PLD5: variants seen among roughly 807,000 people sequenced by gnomAD.
PLD5 encodes the protein phospholipase D family member 5.
A neutral mutation model predicts 61.1 loss-of-function variants in PLD5; 36 were observed. The observed-to-expected ratio is 0.59, with a 90% CI of 0.45 to 0.78. PLD5 has a LOEUF of 0.78. Ranked by LOEUF, PLD5 falls within the 30% of genes least tolerant of loss-of-function variation. PLD5 has a pLI of 0.00. For missense variants in PLD5, 515 were observed against 644.4 expected, an observed-to-expected ratio of 0.80 and a Z score of 2.17; for synonymous variants, 243 against 242.8, an observed-to-expected ratio of 1.00 and a Z score of -0.01.
intron 4 of PLD5, among the ~76,000 whole-genome samples, chr1:242,247,228 C>T (rs1258955827): frequency 2.6e-5 from 4 of 152,238 alleles, no homozygotes; most frequent in South Asian, 4.1e-4. Flanking sequence ...GTGATCCGCC[C>T]GCCTCGGCCT....
At chr1:242,151,138 T>C (rs1376033359) in intron 5 of PLD5, among the ~76,000 whole-genome samples, 1 of 152,006 alleles carries the variant, frequency 6.6e-6, no homozygotes, top group Non-Finnish European at 1.5e-5. Flanking sequence ...TTTACTTTTA[T>C]GTATTCTAAA....
intron 1 of PLD5, among the ~76,000 whole-genome samples, chr1:242,471,136 G>T (rs985041944): frequency 6.6e-6 from 1 of 152,264 alleles, no homozygotes; most frequent in East Asian, 1.9e-4. Context: ...TCCTTCCCAG[G>T]GGGGCTATGT....
At chr1:242,359,740 T>A (rs1434774853) in intron 1 of PLD5, among the ~76,000 whole-genome samples, 1 of 151,876 alleles carries the variant, frequency 6.6e-6, no homozygotes, top group Non-Finnish European at 1.5e-5. Context: ...AATAACTCTT[T>A]CATAGGGTTA....
intron 1 of PLD5, among the ~76,000 whole-genome samples, chr1:242,501,277 A>G (rs539453970): frequency 6.6e-6 from 1 of 152,342 alleles, no homozygotes; most frequent in African/African-American, 2.4e-5. Context: ...ATTCTCTCTC[A>G]TCACCAGTGC....
At chr1:242,116,528 A>G (rs1475842990) in intron 6 of PLD5, among the ~76,000 whole-genome samples, 1 of 152,186 alleles carries the variant, frequency 6.6e-6, no homozygotes, top group Non-Finnish European at 1.5e-5. Flanking sequence ...AGGTAGTGAG[A>G]ATAGTACTCA....
In PLD5 at chr1:242,084,763, T is replaced by A. The variant is rs1271867519; in HGVS notation, c.*5091A>T. 2 of 146,676 alleles carry A rather than the reference T, an allele frequency of 1.4e-5. No individual in the cohort carries two copies. Among genetic ancestry groups the A allele is most frequent in the African/African-American group, 2.5e-5 (1 of 39,542 alleles). 9.1% of individuals were successfully genotyped at this position (146,676 alleles called of 1,614,324 possible). On this transcript the variant is annotated 3_prime_UTR_variant, in exon 10 of 10. Transcript: ENST00000536534. The stretch of plus-strand genomic sequence containing the variant: ...TTTATTGGAAAGGTTTTTTTTTTTT[T>A]TTTTTTTTTTTTTTTAGAGAAAGAG...
chr1:242,195,256 C>T (rs947413430), intron 5 of PLD5, among the ~76,000 whole-genome samples: 6 of 152,140 alleles, frequency 3.9e-5, no homozygotes, highest in Non-Finnish European at 5.9e-5. Context: ...TGGAGAGTTC[C>T]GCATCTGGAG....
chr1:242,367,456 G>A (rs2149243202), intron 1 of PLD5, among the ~76,000 whole-genome samples: 1 of 152,234 alleles, frequency 6.6e-6, no homozygotes, highest in South Asian at 2.1e-4. Flanking sequence ...CCTCTCTGTT[G>A]AGCAGCACAA....
chr1:242,381,392 G>A (rs116637911), intron 1 of PLD5, among the ~76,000 whole-genome samples: 1,826 of 152,194 alleles, frequency 0.012, 36 homozygotes, highest in African/African-American at 0.042. Flanking sequence ...GGGCCTATAG[G>A]TGGTTGGGGG....
intron 1 of PLD5, among the ~76,000 whole-genome samples, chr1:242,497,804 T>C (rs1045761912): frequency 6.6e-6 from 1 of 152,264 alleles, no homozygotes; most frequent in African/African-American, 2.4e-5. Context: ...TCACATATTA[T>C]GAGTCAGGCA....
intron 1 of PLD5, among the ~76,000 whole-genome samples, chr1:242,488,492 C>A (rs1255001299): frequency 6.6e-6 from 1 of 152,080 alleles, no homozygotes; most frequent in African/African-American, 2.4e-5. Context: ...AAAAGGGTAG[C>A]CTTTTAAATA....
intron 3 of PLD5, among the ~76,000 whole-genome samples, chr1:242,279,231 G>T (rs1043719198): frequency 2.6e-5 from 4 of 152,206 alleles, no homozygotes; most frequent in Admixed American, 2.6e-4. Context: ...TGACAAACTG[G>T]GGTAGGGACC....
intron 2 of PLD5, among the ~76,000 whole-genome samples, chr1:242,319,393 A>G (rs1314698875): frequency 6.6e-6 from 1 of 150,920 alleles, no homozygotes; most frequent in Admixed American, 6.6e-5. Context: ...ATACACATCC[A>G]TAAGTGTATA....
At chr1:242,194,503 A>AATCG (rs1668475731) in intron 5 of PLD5, among the ~76,000 whole-genome samples, 1 of 152,152 alleles carries the variant, frequency 6.6e-6, no homozygotes, top group South Asian at 2.1e-4. Flanking sequence ...ACAATTGCAA[A>AATCG]ATCGTGGAAC....
At position 242,405,012 on chromosome 1, in the gene PLD5, TG is replaced by T. The variant is rs1664154398; in HGVS notation, c.190-56771del. ...CTCCTGCCTCAGCCTCCTGAGTAAC[TG>T]GGATTACAGGTGTGCACCACCACAC... is the stretch of plus-strand genomic sequence containing the variant. On this transcript the variant is annotated intron_variant, in intron 1 of 9. Coordinates refer to ENST00000536534, the MANE Select transcript of PLD5 (RefSeq NM_001372062.1). 4.6e-5 allele frequency among the ~76,000 whole-genome samples: 7 copies of T among 151,224 alleles called. No individual in the cohort carries two copies. The South Asian group carries it at 1.5e-3, about 32-fold the overall frequency.
chr1:242,163,244 T>A (rs316847), intron 5 of PLD5, among the ~76,000 whole-genome samples: 171 of 150,858 alleles, frequency 1.1e-3, no homozygotes, highest in African/African-American at 4.0e-3. Flanking sequence ...CCCGGGTTCA[T>A]GCCATTCTCC....
intron 6 of PLD5, 92 bp from the exon 7 acceptor site, chr1:242,114,118 T>A: frequency 7.0e-7 from 1 of 1,418,658 alleles, no homozygotes; most frequent in Non-Finnish European, 9.5e-7. Context: ...CCTTGGCTTG[T>A]AACTATATTT....
chr1:242,284,932 A>T (rs1414145989), intron 3 of PLD5, among the ~76,000 whole-genome samples: 1 of 152,236 alleles, frequency 6.6e-6, no homozygotes, highest in Non-Finnish European at 1.5e-5. Context: ...AATTAGGCTC[A>T]AAACTACAGA....
chr1:242,515,222 G>C (rs1669067174), intron 1 of PLD5, among the ~76,000 whole-genome samples: 1 of 150,824 alleles, frequency 6.6e-6, no homozygotes, highest in Non-Finnish European at 1.5e-5. Flanking sequence ...GTGTGTGTGA[G>C]AGAGAGAGAG....
Sources: allele counts gnomAD v4.1 joint callset (sites outside exome capture counted in the v4.1 genomes callset), GRCh38; gene constraint gnomAD v4.1.1; transcripts MANE v1.5; gene names NCBI Gene and HGNC (gene_info 2026-07-23, HGNC 2026-07-21).